SPRED1: variants seen among roughly 807,000 people sequenced by gnomAD.
SPRED1 encodes the protein sprouty-related, EVH1 domain-containing protein 1.
In SPRED1, 18 loss-of-function variants were observed where a neutral mutation model predicts 52.3. That is an observed-to-expected ratio of 0.34 (90% CI 0.24 to 0.51). SPRED1 has a LOEUF of 0.51. Among genes scored for constraint, SPRED1 ranks in the 20% least tolerant of loss-of-function variants. SPRED1 has a pLI of 0.97. For missense variants in SPRED1, 485 were observed against 551.0 expected (o/e 0.88, Z 1.20); for synonymous variants, 155 against 179.7 (o/e 0.86, Z 1.10).
At chr15:38,299,889 A>C (rs1261171061) in intron 2 of SPRED1, among the ~76,000 whole-genome samples, 1 of 152,196 alleles carries the variant, frequency 6.6e-6, no homozygotes, top group Non-Finnish European at 1.5e-5. Flanking sequence ...GGCCAAATGC[A>C]AGCCCACCAA....
At chr15:38,287,076 T>C (rs1223776972) in intron 1 of SPRED1, among the ~76,000 whole-genome samples, 1 of 152,196 alleles carries the variant, frequency 6.6e-6, no homozygotes, top group African/African-American at 2.4e-5. Context: ...TGTTACCATG[T>C]TAAGTTGAAT....
At chr15:38,312,638 C>A (rs1227580033) in intron 2 of SPRED1, among the ~76,000 whole-genome samples, 1 of 152,026 alleles carries the variant, frequency 6.6e-6, no homozygotes, top group Non-Finnish European at 1.5e-5. Context: ...CATCCCATGT[C>A]GTCGTTGCTT....
intron 1 of SPRED1, among the ~76,000 whole-genome samples, chr15:38,283,027 C>T (rs1371283752): frequency 1.3e-5 from 2 of 152,054 alleles, no homozygotes; most frequent in Non-Finnish European, 2.9e-5. Flanking sequence ...TTAGTCCGTT[C>T]TCACACTGCT....
intron 1 of SPRED1, among the ~76,000 whole-genome samples, chr15:38,282,927 A>G (rs1786367499): frequency 6.6e-6 from 1 of 151,994 alleles, no homozygotes; most frequent in Non-Finnish European, 1.5e-5. Flanking sequence ...TGAATCTAGT[A>G]TTGCTTATAG....
At chr15:38,257,619 G>A (rs907812736) in intron 1 of SPRED1, among the ~76,000 whole-genome samples, 7 of 152,190 alleles carry the variant, frequency 4.6e-5, no homozygotes, top group African/African-American at 1.7e-4. Flanking sequence ...TGTATCTGAA[G>A]ACCCGTGTTA....
chr15:38,333,792 A>G (rs1013990277), intron 4 of SPRED1, among the ~76,000 whole-genome samples: 6 of 152,128 alleles, frequency 3.9e-5, no homozygotes, highest in African/African-American at 1.2e-4. Context: ...TAAGGCCTAT[A>G]CACTATTATT....
intron 1 of SPRED1, among the ~76,000 whole-genome samples, chr15:38,256,227 G>T (rs1045287901): frequency 6.6e-6 from 1 of 152,222 alleles, no homozygotes; most frequent in Admixed American, 6.5e-5. Flanking sequence ...TAGAGCAAAA[G>T]AATTTGTGTT....
At chr15:38,324,905 T>A in intron 4 of SPRED1, 96 bp downstream of exon 4, 1 of 1,034,680 alleles carries the variant, frequency 9.7e-7, no homozygotes, top group Non-Finnish European at 1.5e-6. Context: ...AGAATATTTC[T>A]AAGACACTCT....
At chr15:38,298,579 G>T in intron 1 of SPRED1, 1 of 291,092 alleles carries the variant, frequency 3.4e-6, no homozygotes, top group South Asian at 3.0e-5. Flanking sequence ...GAGTACAAAT[G>T]GTAATTCTGT....
Position 38,332,740 on chromosome 15 carries a change from A to G in SPRED1, c.424-6997A>G, listed in dbSNP as rs554921614. Among the ~76,000 whole-genome samples the G allele has an allele frequency of 6.6e-5, 10 of 152,278 alleles. No individual in the cohort carries two copies. The South Asian group carries it at 8.3e-4, about 13-fold the overall frequency. On this transcript the variant is annotated intron_variant, in intron 4 of 6. Coordinates refer to ENST00000299084, the MANE Select transcript of SPRED1 (RefSeq NM_152594.3). ...CAGTGTGTGCCAGGCATATAGTTCT[A>G]TGCTCCAGGGATAAAACTTAGGCAG... is the stretch of plus-strand genomic sequence containing the variant.
intron 1 of SPRED1, among the ~76,000 whole-genome samples, chr15:38,270,441 T>G (rs1894405710): frequency 6.6e-6 from 1 of 152,182 alleles, no homozygotes; most frequent in Non-Finnish European, 1.5e-5. Context: ...AAGAACCATC[T>G]GAGATGGGTA....
chr15:38,346,693 C>A (rs904036389), intron 5 of SPRED1, among the ~76,000 whole-genome samples: 1 of 152,140 alleles, frequency 6.6e-6, no homozygotes, highest in African/African-American at 2.4e-5. Context: ...TTTATTGTTA[C>A]AGGCATACTG....
intron 2 of SPRED1, among the ~76,000 whole-genome samples, chr15:38,299,854 C>A (rs1394157988): frequency 6.6e-6 from 1 of 152,118 alleles, no homozygotes; most frequent in Non-Finnish European, 1.5e-5. Flanking sequence ...ATTCCCTAGA[C>A]CAGAGATTGG....
At chr15:38,290,089 G>T (rs62003521) in intron 1 of SPRED1, among the ~76,000 whole-genome samples, 145,765 of 152,174 alleles carry the variant, frequency 0.96, 70,095 homozygotes, top group East Asian at 1. Flanking sequence ...ACTATAGGAT[G>T]ATTTTAAAGT....
At chr15:38,316,369 A>G (rs1027012788) in intron 2 of SPRED1, among the ~76,000 whole-genome samples, 4 of 152,052 alleles carry the variant, frequency 2.6e-5, no homozygotes, top group Admixed American at 2.6e-4. Context: ...ATAAAAATAG[A>G]TTTTAAAAGT....
intron 1 of SPRED1, among the ~76,000 whole-genome samples, chr15:38,259,441 A>G (rs887338018): frequency 2.4e-4 from 37 of 152,036 alleles, no homozygotes; most frequent in African/African-American, 7.5e-4. Context: ...TTTTGTGGTG[A>G]TCGGGTCCTG....
At position 38,317,283 on chromosome 15, in the gene SPRED1, C is replaced by T. The variant is rs118014886; in HGVS notation, c.208-4958C>T. 7.4e-3 allele frequency among the ~76,000 whole-genome samples: 1,129 copies of T among 151,906 alleles called. 3 individuals carry two copies. Among genetic ancestry groups the T allele is most frequent in the Non-Finnish European group, 0.012 (818 of 67,774 alleles). On this transcript the variant is annotated intron_variant, in intron 2 of 6. Transcript: ENST00000299084. ...GGCCTTTAGGATAGTCTTAACAAGA[C>T]TTAGAATTATTTATTTCCTTTTGCA...
chr15:38,341,996 C>T (rs562246609), intron 5 of SPRED1, among the ~76,000 whole-genome samples: 6 of 147,044 alleles, frequency 4.1e-5, no homozygotes, highest in Non-Finnish European at 7.5e-5. Flanking sequence ...CATTTCAGAC[C>T]TCTCTTTTAA....
intron 5 of SPRED1, among the ~76,000 whole-genome samples, chr15:38,347,198 A>T (rs1896156272): frequency 1.3e-5 from 2 of 151,818 alleles, no homozygotes; most frequent in African/African-American, 4.8e-5. Flanking sequence ...CTTTAATTTG[A>T]TTTCTCTTCT....
Sources: gnomAD v4.1 joint callset for allele counts (sites outside exome capture counted in the v4.1 genomes callset) on GRCh38, gnomAD v4.1.1 for gene constraint, MANE v1.5 for transcripts, NCBI Gene and HGNC (gene_info 2026-07-23, HGNC 2026-07-21) for gene names.